Variants in MAPK4 observed in about 807,000 individuals in gnomAD.
MAPK4 encodes the protein Erk3-related.
In MAPK4, 22 loss-of-function variants were observed where a neutral mutation model predicts 47.7. The observed-to-expected ratio is 0.46, with a 90% CI of 0.33 to 0.66. The LOEUF (loss-of-function observed/expected upper bound fraction) is 0.66, where lower values mean the gene tolerates loss of function less well. Among genes scored for constraint, MAPK4 ranks in the 30% least tolerant of loss-of-function variants. The pLI, the probability that MAPK4 is intolerant of heterozygous loss-of-function variation, is 0.02. For missense variants in MAPK4, 736 were observed against 831.7 expected (o/e 0.88, Z 1.42); for synonymous variants, 390 against 365.7 (o/e 1.07, Z -0.76).
rs917195089 is a variant in MAPK4, at chr18:50,678,347, G to A, written c.546+13843G>A. 6.6e-6 allele frequency among the ~76,000 whole-genome samples: 1 copy of A among 152,172 alleles called. No individual in the cohort carries two copies. The highest frequency in any genetic ancestry group is 1.5e-5 in the Non-Finnish European group (1 of 68,026). On this transcript the variant is annotated intron_variant, in intron 2 of 5. Coordinates refer to ENST00000400384, the MANE Select transcript of MAPK4 (RefSeq NM_002747.4). This position sits in a 1 kb window ranked among gnomAD's most constrained non-coding sequence, Gnocchi z 4.2. ...TTGACACATTTGCAATTTGGCCAAAGCCTGCCTCTAGTACTGTGGTTATAC... is the reference window on the plus strand; with the variant it reads ...TTGACACATTTGCAATTTGGCCAAAACCTGCCTCTAGTACTGTGGTTATAC...
chr18:50,590,676 A>T (rs1396238156), intron 1 of MAPK4, among the ~76,000 whole-genome samples: 5 of 152,270 alleles, frequency 3.3e-5, no homozygotes, highest in Non-Finnish European at 7.3e-5. Context: ...TTGAGTGTGC[A>T]TTAGCAATTC....
chr18:50,579,659 C>G (rs957830367), intron 1 of MAPK4, among the ~76,000 whole-genome samples: 1 of 152,192 alleles, frequency 6.6e-6, no homozygotes, highest in Non-Finnish European at 1.5e-5. Flanking sequence ...CCCCACCTCC[C>G]AGGCCTATTC....
intron 5 of MAPK4, among the ~76,000 whole-genome samples, chr18:50,727,801 AG>A (rs2144494698): frequency 6.6e-6 from 1 of 152,294 alleles, no homozygotes; most frequent in African/African-American, 2.4e-5. Context: ...GCTGTGGGCA[AG>A]CTCCTTACCC....
intron 1 of MAPK4, among the ~76,000 whole-genome samples, chr18:50,568,459 G>A (rs758374151): frequency 5.9e-5 from 9 of 152,146 alleles, no homozygotes; most frequent in South Asian, 4.1e-4. Flanking sequence ...GTACTGTCAC[G>A]TCTCTCCATT....
At chr18:50,610,240 G>A (rs1302438605) in intron 1 of MAPK4, among the ~76,000 whole-genome samples, 1 of 152,226 alleles carries the variant, frequency 6.6e-6, no homozygotes, top group East Asian at 1.9e-4. Context: ...AGGGAACAGA[G>A]GACAGAAGCT....
intron 2 of MAPK4, among the ~76,000 whole-genome samples, chr18:50,691,059 C>G (rs1027130125): frequency 4.6e-5 from 7 of 152,020 alleles, no homozygotes; most frequent in Admixed American, 6.6e-5. Context: ...GTGGCTCAAT[C>G]ATGGCTCACT....
chr18:50,631,200 T>C (rs1483610339), intron 1 of MAPK4, among the ~76,000 whole-genome samples: 1 of 152,108 alleles, frequency 6.6e-6, no homozygotes, highest in African/African-American at 2.4e-5. Context: ...TGTTTTGCAT[T>C]TTTGTGCTTT....
At chr18:50,680,829 T>A (rs564997444) in intron 2 of MAPK4, among the ~76,000 whole-genome samples, 1 of 152,376 alleles carries the variant, frequency 6.6e-6, no homozygotes, top group South Asian at 2.1e-4. Flanking sequence ...GTCCATTCAT[T>A]AGCTGATGGA....
intron 5 of MAPK4, among the ~76,000 whole-genome samples, chr18:50,726,377 G>A (rs1460517476): frequency 1.3e-5 from 2 of 152,012 alleles, no homozygotes; most frequent in Non-Finnish European, 2.9e-5. Context: ...TGGGTCAGAG[G>A]CCTTCCTTTG....
rs1911171158 is a variant in MAPK4, at chr18:50,725,983, T to A, written c.875T>A (p.Ile292Asn). The change falls in exon 5 of 6, where the codon ATC (isoleucine) becomes AAC (asparagine). Residue 292 changes from isoleucine to asparagine, a missense_variant. By Grantham distance (149) the Ile-to-Asn change is moderately radical (BLOSUM62 -3). Transcript: ENST00000400384. ...NSEAIDFLEK[I>N]LTFNPMDRLT... is the part of the protein sequence containing the mutation. The stretch of plus-strand genomic sequence containing the variant: ...GCAGCCATCGACTTTCTGGAGAAGA[T>A]CCTGACCTTTAACCCCATGGATCGC... 3 of 1,614,018 alleles carry A rather than the reference T, an allele frequency of 1.9e-6. No individual in the cohort carries two copies. The highest frequency in any genetic ancestry group is 1.3e-5 in the African/African-American group (1 of 74,916).
intron 1 of MAPK4, among the ~76,000 whole-genome samples, chr18:50,562,608 A>C (rs2042163913): frequency 1.3e-5 from 2 of 152,184 alleles, no homozygotes; most frequent in African/African-American, 4.8e-5. Flanking sequence ...GGAATTAAAT[A>C]GTTTTCCTGC....
rs766900533 is a variant in MAPK4 at position 50,729,887 on chromosome 18, A to T, written c.*33A>T. ...GGGGCCGCTCCAGGCCCCACAGAGC[A>T]GGAGACCCCCAGAGAAAGCCGGGGC... On this transcript the variant is annotated 3_prime_UTR_variant, in exon 6 of 6. Coordinates refer to ENST00000400384, the MANE Select transcript of MAPK4 (RefSeq NM_002747.4). The T allele has an allele frequency of 2.6e-6, 4 of 1,526,400 alleles. No homozygotes were observed. The South Asian group carries it at 5.1e-5, about 20-fold the overall frequency. The allele number at this position is 1,526,400 out of a possible 1,614,324, so 94.6% of individuals were successfully genotyped here. A position where few individuals can be genotyped will look rare whatever the true frequency, so the allele number is the denominator to read the frequency against.
intron 2 of MAPK4, among the ~76,000 whole-genome samples, chr18:50,690,552 T>A (rs1043190877): frequency 2.0e-5 from 3 of 152,202 alleles, no homozygotes; most frequent in African/African-American, 7.2e-5. Flanking sequence ...TTTAAAAAGC[T>A]CTTTTAACAC....
intron 1 of MAPK4, among the ~76,000 whole-genome samples, chr18:50,575,421 A>G (rs2042286281): frequency 6.6e-6 from 1 of 152,234 alleles, no homozygotes; most frequent in Non-Finnish European, 1.5e-5. Context: ...ACTCCTAGGC[A>G]CCTGAGTGCT....
At chr18:50,718,463 C>T (rs1254985081) in intron 3 of MAPK4, among the ~76,000 whole-genome samples, 3 of 152,150 alleles carry the variant, frequency 2.0e-5, no homozygotes, top group African/African-American at 7.2e-5. Context: ...AATGATCCAC[C>T]TGCCTCAGCC....
chr18:50,677,231 G>A (rs932577416), intron 2 of MAPK4, among the ~76,000 whole-genome samples: 2 of 152,178 alleles, frequency 1.3e-5, no homozygotes, highest in Admixed American at 6.5e-5. Context: ...CTGATCCCTG[G>A]TGCCAAAAAG....
At chr18:50,623,199 A>T (rs2042747329) in intron 1 of MAPK4, among the ~76,000 whole-genome samples, 1 of 152,186 alleles carries the variant, frequency 6.6e-6, no homozygotes, top group South Asian at 2.1e-4. Flanking sequence ...AACTCCATAG[A>T]GTGAGGTAAA....
intron 1 of MAPK4, among the ~76,000 whole-genome samples, chr18:50,654,472 A>C (rs10432203): frequency 0.3 from 46,322 of 152,172 alleles, 7,449 homozygotes; most frequent in East Asian, 0.37. Flanking sequence ...GCAAGCCCCA[A>C]ATAGGGCCTC....
At chr18:50,661,845 G>A (rs1406269743) in intron 1 of MAPK4, among the ~76,000 whole-genome samples, 2 of 152,202 alleles carry the variant, frequency 1.3e-5, no homozygotes, top group African/African-American at 4.8e-5. Flanking sequence ...CCGAAGATCT[G>A]ACAAATTATC....
Sources: allele counts gnomAD v4.1 joint callset (sites outside exome capture counted in the v4.1 genomes callset), GRCh38; gene constraint gnomAD v4.1.1; non-coding constraint Gnocchi (gnomAD v3.1); transcripts MANE v1.5; gene names NCBI Gene and HGNC (gene_info 2026-07-23, HGNC 2026-07-21).